Variants in FHIP2B observed in about 807,000 individuals in gnomAD.
FHIP2B encodes the protein FHF complex subunit HOOK-interacting protein 2B.
FHIP2B carries 72 observed loss-of-function variants against 84.0 expected under a neutral mutation model. The ratio of observed to expected loss-of-function variants is 0.86; its 90% confidence interval spans 0.71 to 1.04. The LOEUF is 1.04. Ranked by LOEUF, FHIP2B falls within the 50% of genes least tolerant of loss-of-function variation. The pLI is 0.00. For missense variants in FHIP2B, 972 were observed against 968.9 expected (o/e 1.00, Z -0.04); for synonymous variants, 497 against 418.7 (o/e 1.19, Z -2.28).
Position 22,098,301 on chromosome 8 carries a change from C to T in FHIP2B, c.759C>T (p.Cys253=). ...SNLITSLLGL[C]QSKKSRVALK... ...TGATTACCTCCCTGCTTGGGCTGTG[C>T]CAGAGCAAGGTGCTGGCAGCAGAGA... The change falls in exon 6 of 17, where the codon TGC becomes TGT. Residue 253 remains cysteine (C), a synonymous_variant. Transcript: ENST00000289921. 2 of 1,553,302 alleles carry T rather than the reference C, an allele frequency of 1.3e-6. No homozygotes were observed. Among genetic ancestry groups the T allele is most frequent in the South Asian group, 1.2e-5 (1 of 83,244 alleles).
chr8:22,098,224 C>A lies in FHIP2B; in HGVS notation c.682C>A (p.His228Asn), dbSNP rs1196824918. 1 of 1,589,800 alleles carries A rather than the reference C, an allele frequency of 6.3e-7. No homozygotes were observed. Among genetic ancestry groups the A allele is most frequent in the Non-Finnish European group, 8.6e-7 (1 of 1,168,730 alleles). The stretch of plus-strand genomic sequence containing the variant: ...CTGTGGGGCCCAGGCCTTGAACAGC[C>A]ACATGCCTGCTGAGACCGAGGAGCT... ...ESCGAQALNS[H>N]MPAETEELDG... Residue 228 changes from histidine (H) to asparagine (N), a missense_variant, in exon 6 of 17, where the codon CAC becomes AAC. By Grantham distance (68) the His-to-Asn change is moderately conservative (BLOSUM62 1). Coordinates refer to ENST00000289921, the MANE Select transcript of FHIP2B (RefSeq NM_022749.7).
rs1826052772 is a variant in FHIP2B, at chr8:22,100,626, G to A, written c.1374G>A (p.Glu458=). ...TCACCACACTCCGGCTGTTTGAGGA[G>A]CTGCTGCAGAAGCCCCACGAGGGGA... The part of the protein sequence containing the change: ...ISITTLRLFE[E]LLQKPHEGII... Residue 458 remains glutamate, a synonymous_variant, in exon 11 of 17, where the codon GAG becomes GAA. Coordinates refer to ENST00000289921, the MANE Select transcript of FHIP2B (RefSeq NM_022749.7). 1.3e-6 allele frequency: 2 copies of A among 1,586,150 alleles called. No homozygotes were observed. Among genetic ancestry groups the A allele is most frequent in the Non-Finnish European group, 8.6e-7 (1 of 1,166,062 alleles).
At position 22,098,478 on chromosome 8, in the gene FHIP2B, C is replaced by T; in HGVS notation, c.824C>T (p.Ala275Val). The T allele has an allele frequency of 1.2e-6, 2 of 1,612,170 alleles. No homozygotes were observed. Among genetic ancestry groups the T allele is most frequent in the Non-Finnish European group, 1.7e-6 (2 of 1,178,920 alleles). Residue 275 changes from alanine to valine, a missense_variant, in exon 7 of 17, where the codon GCC becomes GTC. Ala to Val is a moderately conservative substitution (Grantham distance 64). Transcript: ENST00000289921. ...AACCTGCTGCTCCTGGTGAGCATGG[C>T]CTCCCCAGCAGCTGCCACCTACCTG... ...QENLLLLVSM[A>V]SPAAATYLVQ...
At chr8:22,097,468 G>A (rs371906532) in intron 3 of FHIP2B, 48 bp from the exon 4 acceptor site, 14 of 1,507,414 alleles carry the variant, frequency 9.3e-6, no homozygotes, top group African/African-American at 2.9e-5. Flanking sequence ...CCAGGCATGC[G>A]GCAGGCAGGG....
At chr8:22,094,677 C>T in intron 2 of FHIP2B, 159 bp downstream of exon 2, 2 of 1,476,410 alleles carry the variant, frequency 1.4e-6, no homozygotes, top group Non-Finnish European at 1.8e-6. Flanking sequence ...AGACAGAAGA[C>T]CCAGAGCCCT....
Position 22,100,654 on chromosome 8 carries a change from A to C in FHIP2B, c.1402A>C (p.Ile468Leu), listed in dbSNP as rs1380920422. The change falls in exon 11 of 17, where the codon ATC (isoleucine) becomes CTC (leucine). Residue 468 changes from isoleucine to leucine, a missense_variant. Physicochemically the swap from Ile to Leu is conservative, Grantham distance 5. Transcript: ENST00000289921. ...GCTGCAGAAGCCCCACGAGGGGATC[A>C]TCCACAGCCTGGTCCTGCGCAACCT... Reference protein sequence around the residue: ...ELLQKPHEGIIHSLVLRNLEG... With the variant: ...ELLQKPHEGILHSLVLRNLEG... The C allele has an allele frequency of 8.1e-6, 13 of 1,603,068 alleles. No homozygotes were observed. Among genetic ancestry groups the C allele is most frequent in the African/African-American group, 1.3e-5 (1 of 74,566 alleles).
chr8:22,101,313 G>A (rs924581840), intron 12 of FHIP2B, 127 bp from the exon 13 acceptor site: 33 of 728,934 alleles, frequency 4.5e-5, no homozygotes, highest in Admixed American at 5.7e-5. Flanking sequence ...ATGAGCCACC[G>A]TGCCTGCCCT....
At chr8:22,090,688 G>C (rs946343019) in intron 1 of FHIP2B, among the ~76,000 whole-genome samples, 3 of 151,898 alleles carry the variant, frequency 2.0e-5, no homozygotes, top group Non-Finnish European at 2.9e-5. Context: ...ACAGTGGTGC[G>C]ATCTCCGCTC....
chr8:22,098,262 C>G lies in FHIP2B; in HGVS notation c.720C>G (p.Thr240=). 1 of 1,590,048 alleles carries G rather than the reference C, an allele frequency of 6.3e-7. No individual in the cohort carries two copies. The highest frequency in any genetic ancestry group is 1.1e-5 in the South Asian group (1 of 87,888). The part of the protein sequence containing the change: ...PAETEELDGG[T]TESNLITSLL... ...AGACCGAGGAGCTGGACGGTGGGAC[C>G]ACAGAGAGCAACCTGATTACCTCCC... The change falls in exon 6 of 17, where the codon ACC becomes ACG. Residue 240 remains threonine (T), a synonymous_variant. Coordinates refer to ENST00000289921, the MANE Select transcript of FHIP2B (RefSeq NM_022749.7).
In FHIP2B at chr8:22,099,032, C is replaced by A. The variant is rs1396237290; in HGVS notation, c.1050C>A (p.Asp350Glu). Residue 350 changes from aspartate to glutamate, a missense_variant, in exon 8 of 17, where the codon GAC becomes GAA. Transcript: ENST00000289921. The stretch of plus-strand genomic sequence containing the variant: ...TCTTGGGCTGGTTTGATTACTGCGA[C>A]CACCTCATCACAGAGGCACACACGG... Reference protein sequence around the residue: ...AAFLGWFDYCDHLITEAHTVV... With the variant: ...AAFLGWFDYCEHLITEAHTVV... 1 of 1,604,614 alleles carries A rather than the reference C, an allele frequency of 6.2e-7. No homozygotes were observed. Among genetic ancestry groups the A allele is most frequent in the Non-Finnish European group, 8.5e-7 (1 of 1,175,372 alleles).
chr8:22,089,937 AC>A, intron 1 of FHIP2B: 2 of 967,472 alleles, frequency 2.1e-6, no homozygotes, highest in South Asian at 3.0e-5. Context: ...CGTGGCTGTG[AC>A]CCCTCACAAG....
At chr8:22,091,106 C>T (rs1563586520) in intron 1 of FHIP2B, among the ~76,000 whole-genome samples, 1 of 152,140 alleles carries the variant, frequency 6.6e-6, no homozygotes. Flanking sequence ...GCTCTACCCT[C>T]AGGTCGCCAG....
intron 6 of FHIP2B, 43 bp from the exon 7 acceptor site, chr8:22,098,380 G>T: frequency 6.5e-7 from 1 of 1,548,746 alleles, no homozygotes; most frequent in South Asian, 1.2e-5. Context: ...GGTGATTTGG[G>T]GGCTCACATG....
intron 1 of FHIP2B, among the ~76,000 whole-genome samples, chr8:22,093,708 CTTTTTTTTTT>C (rs59841460): frequency 7.5e-5 from 5 of 66,462 alleles, no homozygotes; most frequent in East Asian, 5.3e-4. Context: ...AAAGCTTTGT[CTTTTTTTTTT>C]TTTTTTTTTT....
At chr8:22,094,844 C>T in intron 2 of FHIP2B, 1 of 1,182,938 alleles carries the variant, frequency 8.5e-7, no homozygotes, top group South Asian at 2.1e-5. Context: ...TCCAGACCTT[C>T]AGGCCCCAGG....
At chr8:22,090,845 G>C (rs1425107389) in intron 1 of FHIP2B, among the ~76,000 whole-genome samples, 1 of 151,976 alleles carries the variant, frequency 6.6e-6, no homozygotes, top group Non-Finnish European at 1.5e-5. Context: ...GGCTGGTCTT[G>C]AGCTCCTGGC....
At chr8:22,102,654 GC>G in intron 16 of FHIP2B, 26 bp downstream of exon 16, 1 of 1,564,102 alleles carries the variant, frequency 6.4e-7, no homozygotes, top group Non-Finnish European at 8.7e-7. Context: ...GCCAGGTGAA[GC>G]CTTGGGGTGG....
chr8:22,102,830 C>T lies in FHIP2B; in HGVS notation c.2131C>T (p.Leu711=). The T allele has an allele frequency of 1.2e-6, 2 of 1,613,718 alleles. No individual in the cohort carries two copies. Among genetic ancestry groups the T allele is most frequent in the South Asian group, 1.1e-5 (1 of 91,078 alleles). Reference sequence around the variant, plus strand: ...GACCCTCCTCCAGGGCGTGGTGGTGCTGGAGGAGTTCTGCAAGGAGCTGGC... The same window carrying T: ...GACCCTCCTCCAGGGCGTGGTGGTGTTGGAGGAGTTCTGCAAGGAGCTGGC... The part of the protein sequence containing the change: ...HQTLLQGVVV[L]EEFCKELAAI... The change falls in exon 17 of 17, where the codon CTG becomes TTG. Residue 711 remains leucine, a synonymous_variant. Transcript: ENST00000289921.
At chr8:22,097,659 G>T (rs148519054) in intron 4 of FHIP2B, 39 bp downstream of exon 4, 30 of 1,604,406 alleles carry the variant, frequency 1.9e-5, no homozygotes, top group Middle Eastern at 1.8e-4. Context: ...TGGGTGTGAG[G>T]CCCCCTCTCT....
Sources: allele counts gnomAD v4.1 joint callset (sites outside exome capture counted in the v4.1 genomes callset), GRCh38; gene constraint gnomAD v4.1.1; transcripts MANE v1.5; gene names NCBI Gene and HGNC (gene_info 2026-07-23, HGNC 2026-07-21).